The following SPG7 variants were observed in gnomAD, a reference collection of about 807,000 sequenced individuals.
The protein encoded by SPG7 is SPG7 matrix AAA peptidase subunit, paraplegin.
In SPG7, 103 loss-of-function variants were observed where a neutral mutation model predicts 81.9. The ratio of observed to expected loss-of-function variants is 1.26; its 90% CI spans 1.07 to 1.48. The LOEUF (loss-of-function observed/expected upper bound fraction) is 1.48. Among genes scored for constraint, SPG7 ranks in the 40% most tolerant of loss-of-function variants. The probability of loss-of-function intolerance (pLI) is 0.00; values close to 1 mark genes in which losing one functional copy is unlikely to be tolerated. For missense variants in SPG7, 1,241 were observed against 1,087.3 expected, an observed-to-expected ratio of 1.14 and a Z score of -1.99; for synonymous variants, 534 against 444.2, an observed-to-expected ratio of 1.20 and a Z score of -2.54.
At chr16:89,550,153 C>G (rs749806991) in intron 12 of SPG7, 2 of 356,824 alleles carry the variant, frequency 5.6e-6, no homozygotes, top group Admixed American at 3.8e-5. Flanking sequence ...GCCGGGGTCT[C>G]AGCTCACCCC....
intron 10 of SPG7, chr16:89,545,638 G>GGCA (rs1291866395): frequency 4.1e-6 from 1 of 245,098 alleles, no homozygotes; most frequent in African/African-American, 2.4e-5. Flanking sequence ...TCCAGGGGAT[G>GGCA]GCAGCTTCTC....
chr16:89,532,639 C>A lies in SPG7; in HGVS notation c.1324+3C>A. 1.2e-6 allele frequency: 2 copies of A among 1,613,200 alleles called. No homozygotes were observed. Among genetic ancestry groups the A allele is most frequent in the South Asian group, 1.1e-5 (1 of 91,052 alleles). On this transcript the variant is annotated splice_donor_region_variant and intron_variant, in intron 9 of 16. Coordinates refer to ENST00000645818, the MANE Select transcript of SPG7 (RefSeq NM_003119.4). ...CCAGCTTCTGGTAGAAATGGATGGTCAGTGCTCGTGCGCCCCGCACCCCCA... is the reference window on the plus strand; with the variant it reads ...CCAGCTTCTGGTAGAAATGGATGGTAAGTGCTCGTGCGCCCCGCACCCCCA...
intron 3 of SPG7, among the ~76,000 whole-genome samples, chr16:89,515,739 C>G (rs916862957): frequency 1.3e-5 from 2 of 150,360 alleles, no homozygotes; most frequent in Non-Finnish European, 3.0e-5. Flanking sequence ...GATGGGGTCT[C>G]GCTCTGTCGC....
At chr16:89,548,963 G>A (rs1312115917) in intron 12 of SPG7, 5 of 454,684 alleles carry the variant, frequency 1.1e-5, no homozygotes, top group East Asian at 6.9e-5. Flanking sequence ...TTCCTAGCAC[G>A]AACACGCCTC....
rs368844757 is a variant in SPG7 at position 89,537,183 on chromosome 16, C to A, written c.1324+4547C>A. The stretch of plus-strand genomic sequence containing the variant: ...TTCATGGAAGCGCACAGGATAGGGC[C>A]GACGCTGTGCCGGTCGTGGGGAAAT... On this transcript the variant is annotated intron_variant, in intron 9 of 16. Coordinates refer to ENST00000645818, the MANE Select transcript of SPG7 (RefSeq NM_003119.4). The A allele has an allele frequency of 2.2e-4, 316 of 1,435,352 alleles. No homozygotes were observed. The African/African-American group carries it at 4.0e-3, about 18-fold the overall frequency. 88.9% of individuals were successfully genotyped at this position (1,435,352 alleles called of 1,614,324 possible).
rs66845605 is a variant in SPG7 at position 89,550,382 on chromosome 16, G to A, written c.1664-112G>A. The A allele has an allele frequency of 0.17, 131,210 of 774,390 alleles. 11,752 individuals are homozygous for A. The highest frequency in any genetic ancestry group is 0.21 in the Middle Eastern group (897 of 4,342). The allele number at this position is 774,390 out of a possible 1,614,324, so 48.0% of individuals were successfully genotyped here. On this transcript the variant is annotated intron_variant, in intron 12 of 16. Transcript: ENST00000645818. Reference sequence around the variant, plus strand: ...GGGACGGGGTTTCACCATATTGGTCGGGCTGGTCTCGAACTCCTGTCCTCA... The same window carrying A: ...GGGACGGGGTTTCACCATATTGGTCAGGCTGGTCTCGAACTCCTGTCCTCA...
At chr16:89,531,851 CAAAA>C in intron 7 of SPG7, 49 bp from the exon 8 acceptor site, 1 of 1,605,420 alleles carries the variant, frequency 6.2e-7, no homozygotes, top group Admixed American at 1.7e-5. Context: ...CTCTAAAAAA[CAAAA>C]AAACGGAATC....
chr16:89,549,246 G>A, intron 12 of SPG7: 1 of 457,050 alleles, frequency 2.2e-6, no homozygotes, highest in Non-Finnish European at 4.4e-6. Context: ...TGACGTACTT[G>A]AGTGCTCAGG....
At position 89,530,680 on chromosome 16, in the gene SPG7, C is replaced by T. The variant is rs1193596245; in HGVS notation, c.862-3C>T. The T allele has an allele frequency of 1.9e-6, 3 of 1,614,084 alleles. No individual in the cohort carries two copies. Among genetic ancestry groups the T allele is most frequent in the East Asian group, 2.2e-5 (1 of 44,882 alleles). ...CTCCTTGCACTTTGTTCTTTCTGCA[C>T]AGAATCAGCTTAAAATGGCTCGTTT... On this transcript the variant is annotated splice_region_variant and splice_polypyrimidine_tract_variant and intron_variant, in intron 6 of 16. Coordinates refer to ENST00000645818, the MANE Select transcript of SPG7 (RefSeq NM_003119.4).
At chr16:89,511,793 C>T (rs1393794875) in intron 2 of SPG7, among the ~76,000 whole-genome samples, 2 of 152,190 alleles carry the variant, frequency 1.3e-5, no homozygotes, top group Non-Finnish European at 2.9e-5. Context: ...AATCTCTACT[C>T]ACTGCAGCTT....
At position 89,524,101 on chromosome 16, in the gene SPG7, C is replaced by G; in HGVS notation, c.472C>G (p.Leu158Val). The part of the protein sequence containing the change: ...IAVVMSLLNA[L>V]STSGGSISWN... ...GGTTGTCATGAGCCTCCTGAATGCT[C>G]TCAGCACCAGCGGAGGCAGCATTTC... Residue 158 changes from leucine (L) to valine (V), a missense_variant, in exon 4 of 17, where the codon CTC (leucine) becomes GTC (valine). By Grantham distance (32) the Leu-to-Val change is conservative. Coordinates refer to ENST00000645818, the MANE Select transcript of SPG7 (RefSeq NM_003119.4). 6.2e-7 allele frequency: 1 copy of G among 1,614,086 alleles called. No individual in the cohort carries two copies. Among genetic ancestry groups the G allele is most frequent in the Non-Finnish European group, 8.5e-7 (1 of 1,180,040 alleles).
At chr16:89,526,620 T>A in intron 5 of SPG7, 152 bp downstream of exon 5, 1 of 707,624 alleles carries the variant, frequency 1.4e-6, no homozygotes, top group Non-Finnish European at 2.5e-6. Flanking sequence ...AAGTGAATGA[T>A]ACAATGCCAG....
intron 2 of SPG7, among the ~76,000 whole-genome samples, chr16:89,511,379 A>G (rs2058019875): frequency 2.0e-5 from 3 of 152,206 alleles, no homozygotes; most frequent in Admixed American, 2.0e-4. Context: ...AAAGAACCTG[A>G]AGGATTGACA....
intron 3 of SPG7, chr16:89,521,463 A>C (rs4785686): frequency 0.45 from 68,607 of 152,190 alleles, 15,820 homozygotes; most frequent in East Asian, 0.67. Flanking sequence ...ATTAGAAATT[A>C]TTTGGGATTT....
Position 89,529,492 on chromosome 16 carries a change from G to GGGGATGA in SPG7, c.775_781dup (p.Thr261ArgfsTer30), listed in dbSNP as rs780810116. 5.6e-6 allele frequency: 9 copies of GGGGATGA among 1,613,052 alleles called. No individual in the cohort carries two copies. The highest frequency in any genetic ancestry group is 1.3e-5 in the African/African-American group (1 of 74,920). On this transcript the variant is annotated frameshift_variant, in exon 6 of 17. Transcript: ENST00000645818. LOFTEE classifies it high-confidence loss of function. ...CTTCCGGCAGTGCCCTGTACTCTGT[G>GGGGATGA]GGGATGACGGCAGTGGGCCTGGCCA...
intron 13 of SPG7, chr16:89,552,616 G>T: frequency 2.8e-6 from 1 of 350,982 alleles, no homozygotes; most frequent in South Asian, 2.3e-5. Context: ...GGTTCTCATT[G>T]CTCTGAACCC....
chr16:89,516,122 G>A (rs1024195337), intron 3 of SPG7, among the ~76,000 whole-genome samples: 2 of 151,990 alleles, frequency 1.3e-5, no homozygotes, highest in Admixed American at 1.3e-4. Context: ...CGAATAGCTG[G>A]GATCACAGGC....
chr16:89,529,277 GCTTTCATGAA>G (rs2058309060), intron 5 of SPG7, 190 bp from the exon 6 acceptor site: 1 of 623,102 alleles, frequency 1.6e-6, no homozygotes, highest in African/African-American at 1.8e-5. Context: ...CATTTGGGAA[GCTTTCATGAA>G]AAAGCACAGT....
At chr16:89,530,492 A>G in intron 6 of SPG7, 191 bp from the exon 7 acceptor site, 1 of 687,208 alleles carries the variant, frequency 1.5e-6, no homozygotes, top group South Asian at 1.6e-5. Context: ...TTACTAATTA[A>G]TGACGAAACA....
Sources: gnomAD v4.1 joint callset for allele counts (sites outside exome capture counted in the v4.1 genomes callset) on GRCh38, gnomAD v4.1.1 for gene constraint, MANE v1.5 for transcripts, NCBI Gene and HGNC (gene_info 2026-07-23, HGNC 2026-07-21) for gene names.